SGMS2: variants seen among roughly 807,000 people sequenced by gnomAD.
SGMS2 encodes the protein phosphatidylcholine:ceramide cholinephosphotransferase 2.
SGMS2 carries 21 observed loss-of-function variants against 43.8 expected under a neutral mutation model. The observed-to-expected ratio is 0.48, with a 90% CI of 0.34 to 0.69. SGMS2 has a LOEUF of 0.69. Among genes scored for constraint, SGMS2 ranks in the 30% least tolerant of loss-of-function variants. The probability of loss-of-function intolerance (pLI) is 0.01; values close to 1 mark genes in which losing one functional copy is unlikely to be tolerated. For synonymous variants in SGMS2, 167 were observed against 160.6 expected, an observed-to-expected ratio of 1.04 and a Z score of -0.30; for missense variants, 384 against 443.2, an observed-to-expected ratio of 0.87 and a Z score of 1.20.
At chr4:107,870,012 G>A (rs1191637971) in intron 2 of SGMS2, among the ~76,000 whole-genome samples, 2 of 152,134 alleles carry the variant, frequency 1.3e-5, no homozygotes, top group Admixed American at 6.5e-5. Flanking sequence ...GTTTTTCCTT[G>A]TGTAGGAATG....
At chr4:107,827,671 C>A (rs1320527060) in intron 1 of SGMS2, among the ~76,000 whole-genome samples, 1 of 152,186 alleles carries the variant, frequency 6.6e-6, no homozygotes, top group Admixed American at 6.5e-5. Flanking sequence ...TCTGAAGGGT[C>A]AGCTCAGCTC....
chr4:107,831,409 G>C (rs1560626525), intron 1 of SGMS2, among the ~76,000 whole-genome samples: 1 of 152,288 alleles, frequency 6.6e-6, no homozygotes, highest in East Asian at 1.9e-4. Flanking sequence ...CCCTGGAGCA[G>C]CTTCCACAGG....
intron 1 of SGMS2, among the ~76,000 whole-genome samples, chr4:107,833,267 A>T (rs1725993731): frequency 1.3e-5 from 2 of 152,334 alleles, no homozygotes; most frequent in African/African-American, 4.8e-5. Flanking sequence ...AAATTAAAAT[A>T]GTTAAAAATC....
At chr4:107,881,233 C>G (rs892821222) in intron 2 of SGMS2, among the ~76,000 whole-genome samples, 2 of 151,828 alleles carry the variant, frequency 1.3e-5, no homozygotes, top group Admixed American at 1.3e-4. Context: ...TACCCCCAAT[C>G]TAAAATAAAA....
intron 6 of SGMS2, among the ~76,000 whole-genome samples, chr4:107,909,218 GCC>G (rs1731891867): frequency 6.6e-6 from 1 of 151,356 alleles, no homozygotes; most frequent in Non-Finnish European, 1.5e-5. Context: ...CGATTCTTGT[GCC>G]TCAGCCTCCC....
intron 1 of SGMS2, among the ~76,000 whole-genome samples, chr4:107,856,502 A>G (rs917844657): frequency 6.6e-6 from 1 of 152,186 alleles, no homozygotes; most frequent in Non-Finnish European, 1.5e-5. Flanking sequence ...CATGCTCTAA[A>G]CAATTGTAAT....
intron 2 of SGMS2, among the ~76,000 whole-genome samples, chr4:107,892,660 C>G (rs1339428929): frequency 2.0e-5 from 3 of 152,054 alleles, no homozygotes; most frequent in South Asian, 2.1e-4. Context: ...TGGTTCGGTC[C>G]GGAAAGGTGG....
intron 2 of SGMS2, among the ~76,000 whole-genome samples, chr4:107,889,964 T>C (rs1000096710): frequency 3.3e-5 from 5 of 152,182 alleles, no homozygotes; most frequent in African/African-American, 9.6e-5. Flanking sequence ...CACTGAATCC[T>C]GGGTTTCCAA....
rs1321696890 is a variant in SGMS2 at position 107,899,398 on chromosome 4, A to G, written c.456-177A>G. Among the ~76,000 whole-genome samples, 5 of 152,136 alleles carry G rather than the reference A, an allele frequency of 3.3e-5. No individual in the cohort carries two copies. In the East Asian group the frequency reaches 9.6e-4, roughly 29 times the overall value. ...AAACTGTGGTGCAAATCTCTCCATG[A>G]AACTGTAGGGATGGGCAACTCAAAA... On this transcript the variant is annotated intron_variant, in intron 3 of 6. Coordinates refer to ENST00000690982, the MANE Select transcript of SGMS2 (RefSeq NM_001375905.1).
intron 2 of SGMS2, among the ~76,000 whole-genome samples, chr4:107,887,407 T>A (rs1254134179): frequency 4.6e-5 from 7 of 152,204 alleles, no homozygotes; most frequent in Non-Finnish European, 1.5e-5. Flanking sequence ...TTACTGATAA[T>A]GTACATTAAG....
chr4:107,852,054 A>G (rs966625511), intron 1 of SGMS2, among the ~76,000 whole-genome samples: 4 of 151,786 alleles, frequency 2.6e-5, no homozygotes, highest in African/African-American at 7.3e-5. Context: ...ATATGAAACA[A>G]TGTGCTTGTC....
intron 1 of SGMS2, among the ~76,000 whole-genome samples, chr4:107,834,274 C>A (rs1197259643): frequency 6.6e-6 from 1 of 152,160 alleles, no homozygotes; most frequent in East Asian, 1.9e-4. Flanking sequence ...GTAAAATTAA[C>A]CACTTTGTGG....
At chr4:107,860,845 C>T (rs1727692826) in intron 2 of SGMS2, among the ~76,000 whole-genome samples, 1 of 152,102 alleles carries the variant, frequency 6.6e-6, no homozygotes, top group South Asian at 2.1e-4. Context: ...TATTACATAT[C>T]TACTAGAAAC....
chr4:107,874,343 C>G (rs1381174617), intron 2 of SGMS2, among the ~76,000 whole-genome samples: 1 of 152,156 alleles, frequency 6.6e-6, no homozygotes, highest in Non-Finnish European at 1.5e-5. Context: ...TGTGAACCAG[C>G]ACAGTTGGTC....
At position 107,895,598 on chromosome 4, in the gene SGMS2, T is replaced by C. The variant is rs1730597392; in HGVS notation, c.45T>C (p.Asn15=). ...ETAKLEEHLE[N]QPSDPTNTYA... Reference sequence around the variant, plus strand: ...CAAAACTTGAAGAACATTTGGAAAATCAACCCAGTGATCCTACGAACACTT... The same window carrying C: ...CAAAACTTGAAGAACATTTGGAAAACCAACCCAGTGATCCTACGAACACTT... Residue 15 remains asparagine (N), a synonymous_variant, in exon 3 of 7, where the codon AAT becomes AAC. Transcript: ENST00000690982. The C allele has an allele frequency of 1.2e-6, 2 of 1,613,688 alleles. No homozygotes were observed. Among genetic ancestry groups the C allele is most frequent in the Non-Finnish European group, 8.5e-7 (1 of 1,179,894 alleles).
At chr4:107,864,413 A>C (rs1373057962) in intron 2 of SGMS2, 1 of 152,160 alleles carries the variant, frequency 6.6e-6, no homozygotes, top group Non-Finnish European at 1.5e-5. Flanking sequence ...TTGCTGACTG[A>C]GAGATGGTGG....
chr4:107,861,678 A>G (rs1727741309), intron 2 of SGMS2, among the ~76,000 whole-genome samples: 1 of 152,222 alleles, frequency 6.6e-6, no homozygotes, highest in Non-Finnish European at 1.5e-5. Flanking sequence ...ATGCCTTTCA[A>G]AAAGAAAAAT....
At chr4:107,881,869 T>C (rs1430567498) in intron 2 of SGMS2, among the ~76,000 whole-genome samples, 1 of 152,200 alleles carries the variant, frequency 6.6e-6, no homozygotes, top group Non-Finnish European at 1.5e-5. Flanking sequence ...CACATGAAGT[T>C]TGTCTTTTTG....
In SGMS2 at chr4:107,895,445, A is replaced by T; in HGVS notation, c.-109A>T. 8.9e-7 allele frequency: 1 copy of T among 1,127,772 alleles called. No homozygotes were observed. The allele number at this position is 1,127,772 out of a possible 1,614,324, so 69.9% of individuals were successfully genotyped here. On this transcript the variant is annotated 5_prime_UTR_variant, in exon 3 of 7. Transcript: ENST00000690982. ...CATTTTGTATTAGGAAACAAAGTCCATTGTAAGAGTCCATGTTGATCTTGG... is the reference window on the plus strand; with the variant it reads ...CATTTTGTATTAGGAAACAAAGTCCTTTGTAAGAGTCCATGTTGATCTTGG...
Sources: allele counts gnomAD v4.1 joint callset (sites outside exome capture counted in the v4.1 genomes callset), GRCh38; gene constraint gnomAD v4.1.1; transcripts MANE v1.5; gene names NCBI Gene and HGNC (gene_info 2026-07-23, HGNC 2026-07-21).